Variants in DLGAP1 observed in about 807,000 individuals in gnomAD.
The protein encoded by DLGAP1 is DLG associated protein 1, also known as disks large-associated protein 1.
A neutral mutation model predicts 90.8 loss-of-function variants in DLGAP1; 11 were observed. That is an observed-to-expected ratio of 0.12 (90% CI 0.08 to 0.20). DLGAP1 has a LOEUF of 0.20. Among genes scored for constraint, DLGAP1 ranks in the 10% least tolerant of loss-of-function variants. DLGAP1 has a pLI of 1.00. For missense variants in DLGAP1, 1,050 were observed against 1,333.8 expected, an observed-to-expected ratio of 0.79 and a Z score of 3.31; for synonymous variants, 558 against 540.7, an observed-to-expected ratio of 1.03 and a Z score of -0.44.
At chr18:3,798,474 T>G (rs1431972758) in intron 5 of DLGAP1, among the ~76,000 whole-genome samples, 1 of 152,030 alleles carries the variant, frequency 6.6e-6, no homozygotes, top group Non-Finnish European at 1.5e-5. Context: ...GCAGCTACAA[T>G]GTAGGAAAAA....
chr18:3,862,451 A>G (rs1265680678), intron 4 of DLGAP1, among the ~76,000 whole-genome samples: 1 of 152,248 alleles, frequency 6.6e-6, no homozygotes, highest in Non-Finnish European at 1.5e-5. Context: ...TTCAGCAACT[A>G]CCGCCCAAAA....
intron 3 of DLGAP1, among the ~76,000 whole-genome samples, chr18:3,979,873 C>T (rs1423568139): frequency 4.6e-5 from 7 of 152,258 alleles, no homozygotes; most frequent in African/African-American, 9.6e-5. Context: ...CGGTGGCTCA[C>T]GCCTGTAATC....
intron 1 of DLGAP1, among the ~76,000 whole-genome samples, chr18:4,272,279 T>C (rs2079301520): frequency 6.6e-6 from 1 of 152,218 alleles, no homozygotes; most frequent in African/African-American, 2.4e-5. Context: ...TGCAGCTTTT[T>C]TGAAGAATGC....
At chr18:3,990,707 G>A (rs962291726) in intron 3 of DLGAP1, among the ~76,000 whole-genome samples, 1 of 150,536 alleles carries the variant, frequency 6.6e-6, no homozygotes, top group Admixed American at 6.6e-5. Flanking sequence ...AGTATTAAAA[G>A]AAGAATAACC....
intron 3 of DLGAP1, among the ~76,000 whole-genome samples, chr18:3,886,997 A>C (rs776318395): frequency 7.2e-5 from 11 of 152,358 alleles, no homozygotes; most frequent in Middle Eastern, 3.4e-3. Context: ...TCTGACCTAC[A>C]GCGGAGTGCC....
At chr18:4,092,007 ACTT>A (rs772200207) in intron 2 of DLGAP1, among the ~76,000 whole-genome samples, 1 of 152,096 alleles carries the variant, frequency 6.6e-6, no homozygotes, top group Non-Finnish European at 1.5e-5. Context: ...GAAACGGCAC[ACTT>A]CTTTTAGTAG....
chr18:3,959,415 C>T (rs2073147814), intron 3 of DLGAP1, among the ~76,000 whole-genome samples: 2 of 152,148 alleles, frequency 1.3e-5, no homozygotes, highest in Non-Finnish European at 1.5e-5. Context: ...GTCTGTAATC[C>T]CAGCACTTTG....
At chr18:3,545,712 A>C (rs753944314) in intron 9 of DLGAP1, among the ~76,000 whole-genome samples, 1 of 152,110 alleles carries the variant, frequency 6.6e-6, no homozygotes. Context: ...CAAAAACTAA[A>C]CTAAACTAAA....
intron 3 of DLGAP1, among the ~76,000 whole-genome samples, chr18:3,990,627 A>ATAT (rs1491446757): frequency 5.0e-5 from 3 of 59,782 alleles, no homozygotes; most frequent in African/African-American, 2.1e-4. Context: ...AAAACTTAAA[A>ATAT]TATAATAATA....
At chr18:4,400,157 G>T (rs2082524413) in intron 1 of DLGAP1, among the ~76,000 whole-genome samples, 1 of 152,054 alleles carries the variant, frequency 6.6e-6, no homozygotes, top group Non-Finnish European at 1.5e-5. Flanking sequence ...TCCACCTGCA[G>T]CACGCCCCTG....
intron 7 of DLGAP1, among the ~76,000 whole-genome samples, chr18:3,687,580 G>A (rs1319501477): frequency 6.6e-6 from 1 of 152,050 alleles, no homozygotes; most frequent in African/African-American, 2.4e-5. Flanking sequence ...TTAAAATGAA[G>A]AACTAAGTCT....
At chr18:3,833,435 T>C (rs1441993507) in intron 4 of DLGAP1, among the ~76,000 whole-genome samples, 2 of 152,070 alleles carry the variant, frequency 1.3e-5, no homozygotes, top group East Asian at 1.9e-4. Flanking sequence ...GGTTTTGCCA[T>C]GTTGCCCAGG....
chr18:4,208,424 T>C (rs1459689643), intron 1 of DLGAP1, among the ~76,000 whole-genome samples: 1 of 152,220 alleles, frequency 6.6e-6, no homozygotes, highest in African/African-American at 2.4e-5. Flanking sequence ...ATTAAAACAC[T>C]CTTTGAACCA....
Position 4,243,629 on chromosome 18 carries a change from C to T in DLGAP1, c.-266-92342G>A, listed in dbSNP as rs993036437. Among the ~76,000 whole-genome samples, 4 of 152,264 alleles carry T rather than the reference C, an allele frequency of 2.6e-5. No individual in the cohort carries two copies. The South Asian group carries it at 6.2e-4, about 24-fold the overall frequency. ...ACAAAACAAAACAATGTCACAGCAA[C>T]GTGATCTTCCGTGATATCCTCATGT... On this transcript the variant is annotated intron_variant, in intron 1 of 12. Transcript: ENST00000315677.
chr18:4,332,061 C>A (rs925868547), intron 1 of DLGAP1, among the ~76,000 whole-genome samples: 1 of 151,820 alleles, frequency 6.6e-6, no homozygotes, highest in Non-Finnish European at 1.5e-5. Context: ...AAAGTGAGCC[C>A]AGCTCTATGG....
At chr18:3,955,561 A>C (rs2073067766) in intron 3 of DLGAP1, among the ~76,000 whole-genome samples, 1 of 152,136 alleles carries the variant, frequency 6.6e-6, no homozygotes, top group South Asian at 2.1e-4. Flanking sequence ...AAAATACAAA[A>C]AAATCAGCCG....
At chr18:4,414,286 G>A (rs2082843895) in intron 1 of DLGAP1, among the ~76,000 whole-genome samples, 1 of 152,142 alleles carries the variant, frequency 6.6e-6, no homozygotes, top group African/African-American at 2.4e-5. Context: ...GCAAAATAAA[G>A]ATGAAATTGT....
chr18:4,422,876 A>G (rs1196768738), intron 1 of DLGAP1, among the ~76,000 whole-genome samples: 1 of 152,128 alleles, frequency 6.6e-6, no homozygotes, highest in Non-Finnish European at 1.5e-5. Flanking sequence ...CATGCCTGGT[A>G]AAGTAAATGA....
At chr18:4,126,759 G>A (rs1039458304) in intron 2 of DLGAP1, among the ~76,000 whole-genome samples, 22 of 152,186 alleles carry the variant, frequency 1.4e-4, no homozygotes, top group African/African-American at 5.3e-4. Flanking sequence ...GGTTACATAT[G>A]GTGCTTCAAG....
Sources: gnomAD v4.1 joint callset for allele counts (sites outside exome capture counted in the v4.1 genomes callset) on GRCh38, gnomAD v4.1.1 for gene constraint, MANE v1.5 for transcripts, NCBI Gene and HGNC (gene_info 2026-07-23, HGNC 2026-07-21) for gene names.